The following MED13L variants were observed in gnomAD, a reference collection of about 807,000 sequenced individuals.
MED13L encodes the protein mediator of RNA polymerase II transcription subunit 13-like.
MED13L carries 7 observed loss-of-function variants against 220.9 expected under a neutral mutation model. The observed-to-expected ratio is 0.03, with a 90% CI of 0.02 to 0.06. The LOEUF is 0.06. MED13L is among the 10% of genes least tolerant of loss of function. The pLI is 1.00. For synonymous variants in MED13L, 1,011 were observed against 1,015.2 expected (o/e 1.00, Z 0.08); for missense variants, 1,965 against 2,760.5 (o/e 0.71, Z 6.46).
intron 3 of MED13L, among the ~76,000 whole-genome samples, chr12:116,108,020 G>A (rs1054031243): frequency 1.3e-5 from 2 of 151,930 alleles, no homozygotes; most frequent in African/African-American, 4.8e-5. Flanking sequence ...AACCTGGGAG[G>A]CGGAGGTTGC....
At chr12:116,217,232 A>G (rs915219223) in intron 2 of MED13L, among the ~76,000 whole-genome samples, 7 of 152,200 alleles carry the variant, frequency 4.6e-5, no homozygotes, top group African/African-American at 1.2e-4. Context: ...GAAGATAACA[A>G]CCTATTAGGG....
chr12:116,198,007 C>T (rs1041812960), intron 2 of MED13L, among the ~76,000 whole-genome samples: 1 of 152,066 alleles, frequency 6.6e-6, no homozygotes, highest in Non-Finnish European at 1.5e-5. Context: ...ATTTAGCAAA[C>T]ACCTATGAAT....
In MED13L at chr12:116,103,999, CTTTTTTTTTTT is replaced by C. The variant is rs36066243; in HGVS notation, c.396-7258_396-7248del. Among the ~76,000 whole-genome samples, 225 of 57,476 alleles carry C rather than the reference CTTTTTTTTTTT, an allele frequency of 3.9e-3. 2 individuals carry two copies. Among genetic ancestry groups the C allele is most frequent in the Non-Finnish European group, 5.5e-3 (183 of 33,484 alleles). The allele number at this position is 57,476 out of a possible 152,430, so 37.7% of individuals were successfully genotyped here. ...CACCACCACATCCAAGGACATTGCTCTTTTTTTTTTTTTTTTTTTTTTTTTTTTGAGACGGA... is the reference window on the plus strand; with the variant it reads ...CACCACCACATCCAAGGACATTGCTCTTTTTTTTTTTTTTTTTGAGACGGA... On this transcript the variant is annotated intron_variant, in intron 3 of 30. Transcript: ENST00000281928.
At chr12:116,104,557 T>A (rs1369907257) in intron 3 of MED13L, among the ~76,000 whole-genome samples, 1 of 152,226 alleles carries the variant, frequency 6.6e-6, no homozygotes, top group Admixed American at 6.5e-5. Flanking sequence ...GGGGTAAATA[T>A]GCTAACAATC....
Position 116,022,470 on chromosome 12 carries a change from G to A in MED13L, c.611C>T (p.Pro204Leu), listed in dbSNP as rs772556855. The change falls in exon 5 of 31, where the codon CCT (proline) becomes CTT (leucine). Residue 204 changes from proline to leucine, a missense_variant. Around this residue, in one of 10 missense-constraint regions of MED13L, gnomAD observed 818 missense variants for 1,041.2 expected, o/e 0.79. Transcript: ENST00000281928. ...CCCATACTTACCTTGAAATGGTGCA[G>A]GTGAAGACTGAGCCATGTGTATATG... is the stretch of plus-strand genomic sequence containing the variant. ...EEHIHMAQSS[P>L]APFQVLVSPY... 91 of 1,613,566 alleles carry A rather than the reference G, an allele frequency of 5.6e-5. No individual in the cohort carries two copies. The highest frequency in any genetic ancestry group is 7.7e-5 in the Non-Finnish European group (91 of 1,179,818).
chr12:116,218,273 A>C (rs1297569682), intron 2 of MED13L, among the ~76,000 whole-genome samples: 1 of 152,212 alleles, frequency 6.6e-6, no homozygotes, highest in Admixed American at 6.5e-5. Context: ...GCTCTCAAGA[A>C]TATCCAATAA....
At chr12:116,102,965 C>G (rs116907309) in intron 3 of MED13L, among the ~76,000 whole-genome samples, 2,940 of 152,014 alleles carry the variant, frequency 0.019, 58 homozygotes, top group Non-Finnish European at 0.032. Flanking sequence ...ATCCGCCTGT[C>G]TCAGCCTCCC....
intron 2 of MED13L, among the ~76,000 whole-genome samples, chr12:116,116,510 G>T (rs1204477948): frequency 6.6e-6 from 1 of 151,996 alleles, no homozygotes; most frequent in Non-Finnish European, 1.5e-5. Flanking sequence ...TGTACCCTTT[G>T]TAATAAACCA....
At position 116,149,989 on chromosome 12, in the gene MED13L, T is replaced by C. The variant is rs570185227; in HGVS notation, c.311-38477A>G. Among the ~76,000 whole-genome samples the C allele has an allele frequency of 6.6e-5, 10 of 152,352 alleles. No individual in the cohort carries two copies. In the South Asian group the frequency reaches 2.1e-3, roughly 32 times the overall value. On this transcript the variant is annotated intron_variant, in intron 2 of 30. Transcript: ENST00000281928. Reference sequence around the variant, plus strand: ...TAGTTACATTTTTTTAATGTATCCATTTTTAATGAATGAATAAATTCATTT... The same window carrying C: ...TAGTTACATTTTTTTAATGTATCCACTTTTAATGAATGAATAAATTCATTT...
chr12:116,060,605 T>C (rs531882059), intron 4 of MED13L, among the ~76,000 whole-genome samples: 1 of 151,840 alleles, frequency 6.6e-6, no homozygotes, highest in Non-Finnish European at 1.5e-5. Context: ...ACTAAAAATT[T>C]GCAAAAGACA....
intron 2 of MED13L, chr12:116,168,979 T>A (rs1879484053): frequency 6.6e-6 from 1 of 152,242 alleles, no homozygotes; most frequent in Non-Finnish European, 1.5e-5. Context: ...CCAGGCCTAC[T>A]GCAGGGGTGT....
At chr12:116,218,378 C>G (rs757594897) in intron 2 of MED13L, among the ~76,000 whole-genome samples, 1 of 152,110 alleles carries the variant, frequency 6.6e-6, no homozygotes, top group Non-Finnish European at 1.5e-5. Flanking sequence ...TTCAAAACAA[C>G]AGACACTCAA....
intron 4 of MED13L, among the ~76,000 whole-genome samples, chr12:116,041,321 A>T (rs1202252823): frequency 6.6e-6 from 1 of 152,130 alleles, no homozygotes. Context: ...GCCTTCTACC[A>T]CGATTGTAAG....
At chr12:116,083,210 C>T (rs768434928) in intron 4 of MED13L, among the ~76,000 whole-genome samples, 3 of 151,876 alleles carry the variant, frequency 2.0e-5, no homozygotes, top group Non-Finnish European at 2.9e-5. Flanking sequence ...AGTTCGAGAC[C>T]AGCCTGGCCA....
intron 2 of MED13L, among the ~76,000 whole-genome samples, chr12:116,169,878 G>A (rs943310612): frequency 6.6e-6 from 1 of 152,114 alleles, no homozygotes; most frequent in African/African-American, 2.4e-5. Context: ...TCACCAGGGC[G>A]TGTGGCATGC....
At chr12:116,007,099 A>G (rs1250003301) in intron 11 of MED13L, 1 of 384,656 alleles carries the variant, frequency 2.6e-6, no homozygotes, top group Non-Finnish European at 4.9e-6. Flanking sequence ...GTTCGGAATA[A>G]TATTTTAAAA....
At position 116,232,266 on chromosome 12, in the gene MED13L, C is replaced by T. The variant is rs530239806; in HGVS notation, c.310+5202G>A. On this transcript the variant is annotated intron_variant, in intron 2 of 30. Coordinates refer to ENST00000281928, the MANE Select transcript of MED13L (RefSeq NM_015335.5). The stretch of plus-strand genomic sequence containing the variant: ...AAACCAATTCAGAAGACTTCTGATA[C>T]TGTTATAGGGACAATCATTTTTAGA... 7 of 236,020 alleles carry T rather than the reference C, an allele frequency of 3.0e-5. No homozygotes were observed. In the East Asian group the frequency reaches 5.4e-4, roughly 18 times the overall value. The allele number at this position is 236,020 out of a possible 1,614,324, so 14.6% of individuals were successfully genotyped here. A position where few individuals can be genotyped will look rare whatever the true frequency, so the allele number is the denominator to read the frequency against.
intron 4 of MED13L, among the ~76,000 whole-genome samples, chr12:116,090,022 T>G (rs769174622): frequency 2.0e-5 from 3 of 152,206 alleles, no homozygotes; most frequent in Non-Finnish European, 2.9e-5. Flanking sequence ...TGCAATATCA[T>G]TCTACGGTAC....
intron 2 of MED13L, among the ~76,000 whole-genome samples, chr12:116,116,662 G>T (rs138820745): frequency 6.6e-6 from 1 of 152,028 alleles, no homozygotes; most frequent in African/African-American, 2.4e-5. Flanking sequence ...CCTGGCATCT[G>T]AAGTCCCACA....
Sources: gnomAD v4.1 joint callset for allele counts (sites outside exome capture counted in the v4.1 genomes callset) on GRCh38, gnomAD v4.1.1 for gene constraint, gnomAD v4.1.1 regional missense constraint, MANE v1.5 for transcripts, NCBI Gene and HGNC (gene_info 2026-07-23, HGNC 2026-07-21) for gene names.